Variants in TEK observed in about 807,000 individuals in gnomAD.
TEK encodes angiopoietin-1 receptor.
TEK carries 43 observed loss-of-function variants against 131.8 expected under a neutral mutation model. That is an observed-to-expected ratio of 0.33 (90% confidence interval 0.26 to 0.42). The LOEUF (loss-of-function observed/expected upper bound fraction) is 0.42, where lower values mean the gene tolerates loss of function less well. Ranked by LOEUF, TEK falls within the 10% of genes least tolerant of loss-of-function variation. TEK has a pLI of 1.00. For synonymous variants in TEK, 580 were observed against 491.6 expected, an observed-to-expected ratio of 1.18 and a Z score of -2.38; for missense variants, 1,162 against 1,384.4, an observed-to-expected ratio of 0.84 and a Z score of 2.55.
intron 1 of TEK, among the ~76,000 whole-genome samples, chr9:27,130,381 G>T (rs771646794): frequency 2.0e-5 from 3 of 151,952 alleles, no homozygotes; most frequent in Non-Finnish European, 4.4e-5. Flanking sequence ...AATTCAAAAT[G>T]GATTAAAATG....
chr9:27,219,727 GA>G (rs532105562), intron 20 of TEK, among the ~76,000 whole-genome samples: 1 of 145,408 alleles, frequency 6.9e-6, no homozygotes, highest in African/African-American at 2.5e-5. Context: ...CTTCCAATCA[GA>G]AAAAAAGGTT....
rs560533962 is a variant in TEK at position 27,122,896 on chromosome 9, A to G, written c.52+13254A>G. Among the ~76,000 whole-genome samples the G allele has an allele frequency of 7.9e-5, 12 of 151,786 alleles. No individual in the cohort carries two copies. In the South Asian group the frequency reaches 2.5e-3, roughly 32 times the overall value. ...GTGAAACCCTGTCTCTACTAAAAAT[A>G]CAAAAAATTAGCCAGGCGTGGTGGC... On this transcript the variant is annotated intron_variant, in intron 1 of 22. Coordinates refer to ENST00000380036, the MANE Select transcript of TEK (RefSeq NM_000459.5).
At chr9:27,212,660 G>A (rs773130038) in intron 16 of TEK, 47 bp from the exon 17 acceptor site, 1 of 1,600,214 alleles carries the variant, frequency 6.2e-7, no homozygotes, top group Non-Finnish European at 8.6e-7. Context: ...AAATGTCATA[G>A]CTGTTCAGGG....
chr9:27,117,652 G>T (rs1354473234), intron 1 of TEK, among the ~76,000 whole-genome samples: 1 of 152,170 alleles, frequency 6.6e-6, no homozygotes, highest in East Asian at 1.9e-4. Context: ...TTGCTTGGTG[G>T]TTTCATGTCT....
intron 9 of TEK, among the ~76,000 whole-genome samples, chr9:27,187,483 A>G (rs979576904): frequency 1.3e-5 from 2 of 152,172 alleles, no homozygotes; most frequent in Admixed American, 1.3e-4. Flanking sequence ...TATGTTCAAA[A>G]AAGACATCTT....
chr9:27,218,082 G>A (rs1312578483), intron 19 of TEK, among the ~76,000 whole-genome samples: 2 of 146,644 alleles, frequency 1.4e-5, no homozygotes, highest in Non-Finnish European at 3.0e-5. Context: ...ACCTAGATCA[G>A]AGGAAGCAAC....
At chr9:27,203,832 T>C (rs967941067) in intron 13 of TEK, among the ~76,000 whole-genome samples, 5 of 152,244 alleles carry the variant, frequency 3.3e-5, no homozygotes, top group Non-Finnish European at 7.3e-5. Flanking sequence ...ATTTATGATT[T>C]GGATTACAGT....
At chr9:27,131,665 G>T (rs1285269459) in intron 1 of TEK, among the ~76,000 whole-genome samples, 1 of 150,878 alleles carries the variant, frequency 6.6e-6, no homozygotes, top group Non-Finnish European at 1.5e-5. Flanking sequence ...AAAAAAATTA[G>T]CCAGGTGTGG....
At chr9:27,113,996 C>G (rs1459020867) in intron 1 of TEK, among the ~76,000 whole-genome samples, 1 of 152,184 alleles carries the variant, frequency 6.6e-6, no homozygotes, top group Admixed American at 6.5e-5. Flanking sequence ...TCAATTTGCC[C>G]AGGCCAACTC....
intron 1 of TEK, among the ~76,000 whole-genome samples, chr9:27,117,130 G>T (rs1821601941): frequency 6.6e-6 from 1 of 152,112 alleles, no homozygotes; most frequent in Non-Finnish European, 1.5e-5. Context: ...CTCCCAAAAT[G>T]CTGGGATTAC....
chr9:27,131,645 T>TAA (rs756421404), intron 1 of TEK, among the ~76,000 whole-genome samples: 1 of 138,172 alleles, frequency 7.2e-6, no homozygotes, highest in Non-Finnish European at 1.6e-5. Flanking sequence ...CCCCGTCTCT[T>TAA]AAAAAAAAAA....
At chr9:27,217,628 G>A in intron 18 of TEK, 60 bp from the exon 19 acceptor site, 1 of 1,494,634 alleles carries the variant, frequency 6.7e-7, no homozygotes, top group Non-Finnish European at 9.3e-7. Context: ...GCTCAGGCAG[G>A]CTGAGAGCCT....
At chr9:27,167,860 T>C (rs1587543166) in intron 2 of TEK, among the ~76,000 whole-genome samples, 2 of 139,226 alleles carry the variant, frequency 1.4e-5, no homozygotes, top group Non-Finnish European at 3.2e-5. Flanking sequence ...ATTTCATTCA[T>C]GTTTTTTTTT....
chr9:27,203,140 T>G (rs1267080768), intron 13 of TEK, 21 bp downstream of exon 13: 5 of 1,613,166 alleles, frequency 3.1e-6, no homozygotes, highest in Non-Finnish European at 4.2e-6. Flanking sequence ...TGGACAAGTA[T>G]TTACATAGGA....
chr9:27,201,501 A>G (rs1825212217), intron 12 of TEK, among the ~76,000 whole-genome samples: 1 of 152,164 alleles, frequency 6.6e-6, no homozygotes, highest in Non-Finnish European at 1.5e-5. Flanking sequence ...ATAAAAATAT[A>G]CAAAAGACTT....
Position 27,220,089 on chromosome 9 carries a change from C to G in TEK, c.3144C>G (p.Tyr1048Ter), listed in dbSNP as rs542612983. 1.9e-6 allele frequency: 3 copies of G among 1,613,916 alleles called. No homozygotes were observed. Among genetic ancestry groups the G allele is most frequent in the African/African-American group, 1.3e-5 (1 of 74,898 alleles). ...GCGGGATGACTTGTGCAGAACTCTACGAGAAGCTGCCCCAGGGCTACAGAC... is the reference window on the plus strand; with the variant it reads ...GCGGGATGACTTGTGCAGAACTCTAGGAGAAGCTGCCCCAGGGCTACAGAC... ...PYCGMTCAEL[Y>*]EKLPQGYRLE... Residue 1048 changes from tyrosine (Y) to a stop codon, truncating the protein, a stop_gained, in exon 21 of 23, where the codon TAC (tyrosine) becomes TAG (stop). Coordinates refer to ENST00000380036, the MANE Select transcript of TEK (RefSeq NM_000459.5). LOFTEE classifies it high-confidence loss of function.
At position 27,172,704 on chromosome 9, in the gene TEK, A is replaced by G. The variant is rs780824221; in HGVS notation, c.717A>G (p.Glu239=). Reference sequence around the variant, plus strand: ...GTGTCTGCCATGAAGATACTGGAGAATGCATTTGCCCTCCTGGGTTTATGG... The same window carrying G: ...GTGTCTGCCATGAAGATACTGGAGAGTGCATTTGCCCTCCTGGGTTTATGG... ...NNGVCHEDTG[E]CICPPGFMGR... is the part of the protein sequence containing the mutation. The change falls in exon 5 of 23, where the codon GAA becomes GAG. Residue 239 remains glutamate (E), a synonymous_variant. Transcript: ENST00000380036. 1 of 1,613,772 alleles carries G rather than the reference A, an allele frequency of 6.2e-7. No homozygotes were observed. Among genetic ancestry groups the G allele is most frequent in the South Asian group, 1.1e-5 (1 of 91,084 alleles).
chr9:27,167,046 A>G (rs1203002169), intron 2 of TEK, among the ~76,000 whole-genome samples: 1 of 152,148 alleles, frequency 6.6e-6, no homozygotes, highest in African/African-American at 2.4e-5. Flanking sequence ...ATGCCTCCTT[A>G]TGTCACAGAG....
chr9:27,129,533 C>A lies in TEK; in HGVS notation c.52+19891C>A, dbSNP rs1209067524. Among the ~76,000 whole-genome samples the A allele has an allele frequency of 2.6e-5, 4 of 152,144 alleles. No homozygotes were observed. In the East Asian group the frequency reaches 7.7e-4, roughly 29 times the overall value. ...AACAAAAACCAGGTAGTTATCTAAGCCCATCTCCTCTGGAAATCTTAGCAG... is the reference window on the plus strand; with the variant it reads ...AACAAAAACCAGGTAGTTATCTAAGACCATCTCCTCTGGAAATCTTAGCAG... On this transcript the variant is annotated intron_variant, in intron 1 of 22. Coordinates refer to ENST00000380036, the MANE Select transcript of TEK (RefSeq NM_000459.5).
Sources: gnomAD v4.1 joint callset for allele counts (sites outside exome capture counted in the v4.1 genomes callset) on GRCh38, gnomAD v4.1.1 for gene constraint, MANE v1.5 for transcripts, NCBI Gene and HGNC (gene_info 2026-07-23, HGNC 2026-07-21) for gene names.